Variants in MPP7 observed in about 807,000 individuals in gnomAD.
MPP7 encodes MAGUK p55 scaffold protein 7, also known as MAGUK p55 subfamily member 7.
Under a neutral mutation model 76.5 loss-of-function variants are expected in MPP7, and 60 were observed. That is an observed-to-expected ratio of 0.78 (90% CI 0.64 to 0.97). MPP7 has a LOEUF of 0.97. MPP7 is among the 50% of genes least tolerant of loss of function. MPP7 has a pLI of 0.00. For missense variants in MPP7, 641 were observed against 694.0 expected (o/e 0.92, Z 0.86); for synonymous variants, 237 against 244.5 (o/e 0.97, Z 0.29).
At chr10:28,112,963 C>T (rs1834550257) in intron 11 of MPP7, among the ~76,000 whole-genome samples, 1 of 152,162 alleles carries the variant, frequency 6.6e-6, no homozygotes, top group South Asian at 2.1e-4. Context: ...TGGCTTCAAG[C>T]TCTCTGCCTC....
chr10:28,122,432 TA>T (rs1186005564), intron 8 of MPP7, among the ~76,000 whole-genome samples: 1 of 152,230 alleles, frequency 6.6e-6, no homozygotes, highest in African/African-American at 2.4e-5. Flanking sequence ...GCTTGAGGAT[TA>T]ATTTCCAACT....
At chr10:28,268,979 C>G (rs927700516) in intron 1 of MPP7, among the ~76,000 whole-genome samples, 1 of 152,122 alleles carries the variant, frequency 6.6e-6, no homozygotes, top group Non-Finnish European at 1.5e-5. Context: ...ACTACTCTTC[C>G]TTCAGGAATA....
intron 6 of MPP7, among the ~76,000 whole-genome samples, chr10:28,125,858 C>G (rs1034481871): frequency 3.9e-5 from 6 of 152,152 alleles, no homozygotes; most frequent in Non-Finnish European, 8.8e-5. Flanking sequence ...AAATTAACTG[C>G]TGCCTTGTAA....
At chr10:28,124,729 C>T (rs186673486) in intron 7 of MPP7, among the ~76,000 whole-genome samples, 18 of 152,070 alleles carry the variant, frequency 1.2e-4, no homozygotes, top group African/African-American at 2.9e-4. Context: ...GTGATCCACC[C>T]GCCTTGGCCT....
intron 2 of MPP7, among the ~76,000 whole-genome samples, chr10:28,320,294 C>T (rs925875580): frequency 6.6e-6 from 1 of 152,082 alleles, no homozygotes; most frequent in African/African-American, 2.4e-5. Flanking sequence ...ACGAGGATGC[C>T]AGCTGGAACA....
intron 12 of MPP7, among the ~76,000 whole-genome samples, chr10:28,071,597 T>C (rs1213726985): frequency 6.6e-6 from 1 of 152,178 alleles, no homozygotes; most frequent in Non-Finnish European, 1.5e-5. Flanking sequence ...ATCGACATAA[T>C]TCTCCCTTCC....
chr10:28,103,828 G>A (rs1451029394), intron 11 of MPP7, among the ~76,000 whole-genome samples: 1 of 152,022 alleles, frequency 6.6e-6, no homozygotes, highest in Non-Finnish European at 1.5e-5. Flanking sequence ...GAGCTAAGGT[G>A]GTTCTCTCTC....
intron 1 of MPP7, among the ~76,000 whole-genome samples, chr10:28,249,910 T>C (rs1839558628): frequency 6.6e-6 from 1 of 152,192 alleles, no homozygotes; most frequent in Admixed American, 6.5e-5. Flanking sequence ...CCTCTTCAAC[T>C]TTTGTGCACA....
chr10:28,190,224 T>C (rs1452040964), intron 3 of MPP7, among the ~76,000 whole-genome samples: 1 of 152,072 alleles, frequency 6.6e-6, no homozygotes, highest in African/African-American at 2.4e-5. Flanking sequence ...CTATTATACT[T>C]GGAACTTCAA....
intron 11 of MPP7, among the ~76,000 whole-genome samples, chr10:28,102,029 T>C (rs1254315424): frequency 6.6e-6 from 1 of 152,194 alleles, no homozygotes; most frequent in African/African-American, 2.4e-5. Flanking sequence ...GATTTGACAG[T>C]CTTTATATAC....
intron 2 of MPP7, among the ~76,000 whole-genome samples, chr10:28,321,122 T>C (rs979394719): frequency 5.3e-5 from 8 of 152,140 alleles, no homozygotes; most frequent in African/African-American, 1.7e-4. Context: ...ATGGGGCTGG[T>C]AGAAACCAGA....
intron 1 of MPP7, among the ~76,000 whole-genome samples, chr10:28,239,455 T>C (rs1839194891): frequency 6.6e-6 from 1 of 152,082 alleles, no homozygotes; most frequent in South Asian, 2.1e-4. Flanking sequence ...CCTAATTGTA[T>C]TTTTTTAAAT....
chr10:28,125,556 TAGTTC>T (rs1317515034), intron 6 of MPP7, among the ~76,000 whole-genome samples: 1 of 152,104 alleles, frequency 6.6e-6, no homozygotes, highest in Non-Finnish European at 1.5e-5. Context: ...GACTTTTAGT[TAGTTC>T]AGTGATCCTT....
At chr10:28,313,853 A>ATTTTTTTTTTTTTTTTTTTTTTTTTT (rs1192149562) in intron 2 of MPP7, among the ~76,000 whole-genome samples, 1 of 32,676 alleles carries the variant, frequency 3.1e-5, no homozygotes, top group Non-Finnish European at 5.3e-5. Flanking sequence ...TACCTGGCTA[A>ATTTTTTTTTTTTTTTTTTTTTTTTTT]TTTTTTTTTT....
At chr10:28,193,426 T>A (rs1837477095) in intron 3 of MPP7, among the ~76,000 whole-genome samples, 1 of 152,134 alleles carries the variant, frequency 6.6e-6, no homozygotes, top group African/African-American at 2.4e-5. Context: ...GTTAGCCAGA[T>A]GGTCTCAATC....
chr10:28,320,982 A>G (rs994595336), intron 2 of MPP7, among the ~76,000 whole-genome samples: 1 of 152,160 alleles, frequency 6.6e-6, no homozygotes, highest in Non-Finnish European at 1.5e-5. Flanking sequence ...GGACATGCTC[A>G]GGCCCCATGC....
chr10:28,266,762 T>C lies in MPP7; in HGVS notation c.-131-28027A>G, dbSNP rs117891397. Among the ~76,000 whole-genome samples the C allele has an allele frequency of 2.9e-3, 447 of 152,302 alleles. 2 individuals are homozygous for C. The highest frequency in any genetic ancestry group is 4.4e-3 in the Non-Finnish European group (300 of 68,024). ...CACCATATGTGTACCCCAATCAGCA[T>C]TGTCCCCATGTTATAATTGTTAGCT... On this transcript the variant is annotated intron_variant, in intron 1 of 16. Coordinates refer to ENST00000683449, the MANE Select transcript of MPP7 (RefSeq NM_001318170.2).
At chr10:28,143,698 A>T (rs1835604149) in intron 5 of MPP7, among the ~76,000 whole-genome samples, 1 of 150,932 alleles carries the variant, frequency 6.6e-6, no homozygotes, top group African/African-American at 2.4e-5. Context: ...TTAAATTTTT[A>T]ATCTATTTGA....
chr10:28,209,183 G>C (rs11006919), intron 2 of MPP7, among the ~76,000 whole-genome samples: 1 of 151,996 alleles, frequency 6.6e-6, no homozygotes, highest in Non-Finnish European at 1.5e-5. Context: ...TTGCCCAGTC[G>C]CAAGTATTCC....
Sources: allele counts gnomAD v4.1 joint callset (sites outside exome capture counted in the v4.1 genomes callset), GRCh38; gene constraint gnomAD v4.1.1; transcripts MANE v1.5; gene names NCBI Gene and HGNC (gene_info 2026-07-23, HGNC 2026-07-21).